Variants in FAM161B observed in about 807,000 individuals in gnomAD.
FAM161B encodes the protein protein FAM161B.
Under a neutral mutation model 61.5 loss-of-function variants are expected in FAM161B, and 46 were observed. That is an observed-to-expected ratio of 0.75 (90% CI 0.59 to 0.96). FAM161B has a LOEUF of 0.96. FAM161B is among the 40% of genes least tolerant of loss of function. The pLI, the probability that FAM161B is intolerant of heterozygous loss-of-function variation, is 0.00. For missense variants in FAM161B, 774 were observed against 800.7 expected, an observed-to-expected ratio of 0.97 and a Z score of 0.40; for synonymous variants, 284 against 302.7, an observed-to-expected ratio of 0.94 and a Z score of 0.64.
chr14:73,923,054 T>C, the FAM161B span, among the ~76,000 whole-genome samples: 2,023 of 152,318 alleles, frequency 0.013, 43 homozygotes, highest in African/African-American at 0.046. Flanking sequence ...TAGTAAGTGC[T>C]ATTAGTATCA....
chr14:73,950,014 T>G lies in FAM161B; in HGVS notation c.13A>C (p.Arg5=). 1 of 1,612,842 alleles carries G rather than the reference T, an allele frequency of 6.2e-7. No individual in the cohort carries two copies. The highest frequency in any genetic ancestry group is 8.5e-7 in the Non-Finnish European group (1 of 1,179,988). ...GCGCCTCCGGGGGCTCCCTCAGGCC[T>G]CCCCACGGTCATTTCAGCTGGACAG... is the stretch of plus-strand genomic sequence containing the variant. The part of the protein sequence containing the change: MTVG[R]PEGAPGGAEG... Residue 5 remains arginine, a synonymous_variant, in exon 1 of 9, where the codon AGG becomes CGG. Transcript: ENST00000286544.
Position 73,949,030 on chromosome 14 carries a change from T to C in FAM161B, c.54+943A>G, listed in dbSNP as rs559500659. ...ACCTCCCGGGTTCAAGTGATTCTCC[T>C]GCCTCAGCCTCCCGAGTAGCTAGGA... On this transcript the variant is annotated intron_variant, in intron 1 of 8. Transcript: ENST00000286544. Among the ~76,000 whole-genome samples the C allele has an allele frequency of 2.0e-5, 3 of 152,314 alleles. No homozygotes were observed. The South Asian group carries it at 6.2e-4, about 32-fold the overall frequency.
rs1041386447 is a variant in FAM161B at position 73,933,374 on chromosome 14, C to A, written c.*882G>T. 2.6e-5 allele frequency: 4 copies of A among 152,184 alleles called. No homozygotes were observed. The highest frequency in any genetic ancestry group is 9.7e-5 in the African/African-American group (4 of 41,450). 9.4% of individuals were successfully genotyped at this position (152,184 alleles called of 1,614,324 possible). ...GACAGTTCCCTTCCCCAACCCTCAA[C>A]AAAGAATTAGGTGGCCCAAAATATT... On this transcript the variant is annotated 3_prime_UTR_variant, in exon 9 of 9. Coordinates refer to ENST00000286544, the MANE Select transcript of FAM161B (RefSeq NM_152445.3).
At chr14:73,942,143 A>G (rs1002081977) in intron 4 of FAM161B, among the ~76,000 whole-genome samples, 3 of 151,716 alleles carry the variant, frequency 2.0e-5, no homozygotes, top group African/African-American at 7.3e-5. Flanking sequence ...GGTACACACC[A>G]CCACATGTGG....
rs1235773324 is a variant in FAM161B at position 73,944,836 on chromosome 14, T to C, written c.424A>G (p.Ile142Val). 8 of 1,536,404 alleles carry C rather than the reference T, an allele frequency of 5.2e-6. No homozygotes were observed. Among genetic ancestry groups the C allele is most frequent in the Middle Eastern group, 1.8e-4 (1 of 5,680 alleles). ...GGTGGCTGGGTCTGAGGCCTGGGAA[T>C]GTTGGAGGGAAGGTTGTTCAGGGAG... ...CSSLNNLPSN[I>V]PRPQTQPPSG... The change falls in exon 3 of 9, where the codon ATT (isoleucine) becomes GTT (valine). Residue 142 changes from isoleucine (I) to valine (V), a missense_variant. Ile to Val is a conservative substitution (Grantham distance 29, BLOSUM62 3). Coordinates refer to ENST00000286544, the MANE Select transcript of FAM161B (RefSeq NM_152445.3).
At chr14:73,929,145 A>G (rs2055875457), downstream of FAM161B, among the ~76,000 whole-genome samples, 1 of 152,008 alleles carries the variant, frequency 6.6e-6, no homozygotes, top group Non-Finnish European at 1.5e-5. Context: ...TCTGAGCCTC[A>G]CTTCTTTTGT....
intron 7 of FAM161B, 135 bp downstream of exon 7, chr14:73,937,467 A>G (rs1306680287): frequency 2.7e-6 from 2 of 732,240 alleles, no homozygotes; most frequent in African/African-American, 3.6e-5. Context: ...TATTTTGGGA[A>G]AAGAAGGTAG....
intron 1 of FAM161B, among the ~76,000 whole-genome samples, 154 bp from the exon 2 acceptor site, chr14:73,946,759 C>T (rs2056071272): frequency 6.6e-6 from 1 of 152,190 alleles, no homozygotes; most frequent in African/African-American, 2.4e-5. Context: ...GTAATCCCAA[C>T]ACTTTGGGAG....
Position 73,944,829 on chromosome 14 carries a change from C to T in FAM161B, c.431G>A (p.Arg144Lys). Residue 144 changes from arginine to lysine, a missense_variant, in exon 3 of 9, where the codon AGG becomes AAG. Coordinates refer to ENST00000286544, the MANE Select transcript of FAM161B (RefSeq NM_152445.3). The part of the protein sequence containing the change: ...SLNNLPSNIP[R>K]PQTQPPSGSR... Reference sequence around the variant, plus strand: ...GCCTGAGGGTGGCTGGGTCTGAGGCCTGGGAATGTTGGAGGGAAGGTTGTT... The same window carrying T: ...GCCTGAGGGTGGCTGGGTCTGAGGCTTGGGAATGTTGGAGGGAAGGTTGTT... 7 of 1,542,904 alleles carry T rather than the reference C, an allele frequency of 4.5e-6. No homozygotes were observed. The highest frequency in any genetic ancestry group is 6.1e-6 in the Non-Finnish European group (7 of 1,146,580).
Position 73,946,590 on chromosome 14 carries a change from A to T in FAM161B, c.70T>A (p.Ser24Thr). ...EGSRQIFPPE[S>T]FADTEAGEEL... ...TCTCCTGCCTCTGTGTCTGCGAAGG[A>T]CTCGGGGGGAAATATCTAAAATAGA... The change falls in exon 2 of 9, where the codon TCC becomes ACC. Residue 24 changes from serine (S) to threonine (T), a missense_variant. Ser to Thr is a moderately conservative substitution (Grantham distance 58). Coordinates refer to ENST00000286544, the MANE Select transcript of FAM161B (RefSeq NM_152445.3). 1 of 1,612,726 alleles carries T rather than the reference A, an allele frequency of 6.2e-7. No individual in the cohort carries two copies. The highest frequency in any genetic ancestry group is 1.1e-5 in the South Asian group (1 of 91,058).
At chr14:73,923,516 AC>A in the FAM161B span, 4 of 1,612,776 alleles carry the variant, frequency 2.5e-6, no homozygotes, top group South Asian at 1.1e-5. Context: ...CAGTAAATCC[AC>A]AAGAGGTAAA....
At chr14:73,949,952 C>T (rs757525578) in intron 1 of FAM161B, 21 bp downstream of exon 1, 1 of 1,612,688 alleles carries the variant, frequency 6.2e-7, no homozygotes, top group South Asian at 1.1e-5. Flanking sequence ...TTCCCGGGGG[C>T]AGTCTCTTTT....
At chr14:73,930,456 C>T (rs2055895280), downstream of FAM161B, among the ~76,000 whole-genome samples, 1 of 152,062 alleles carries the variant, frequency 6.6e-6, no homozygotes, top group Admixed American at 6.5e-5. Context: ...AGCCATGGTG[C>T]CCAGCCCAAT....
rs2055968218 is a variant in FAM161B, at chr14:73,935,994, G to C, written c.1760C>G (p.Thr587Ser). 1 of 1,613,384 alleles carries C rather than the reference G, an allele frequency of 6.2e-7. No individual in the cohort carries two copies. Among genetic ancestry groups the C allele is most frequent in the Non-Finnish European group, 8.5e-7 (1 of 1,179,586 alleles). Residue 587 changes from threonine to serine, a missense_variant, in exon 8 of 9, where the codon ACC becomes AGC. Transcript: ENST00000286544. ...EDFVRNKGQG[T>S]RAVQEKETKI... ...GGTCTCTTTCTCTTGAACAGCCCGG[G>C]TGCCTTGACCCTTGTTTCTCACAAA...
intron 4 of FAM161B, 55 bp from the exon 5 acceptor site, chr14:73,941,108 CTTTTTTTT>C: frequency 7.1e-5 from 68 of 955,114 alleles, no homozygotes; most frequent in Admixed American, 1.3e-4. Context: ...TAGTTTCTAT[CTTTTTTTT>C]TTTTTTTTTT....
downstream of FAM161B, chr14:73,931,636 A>T: frequency 8.4e-7 from 1 of 1,183,790 alleles, no homozygotes; most frequent in Non-Finnish European, 1.2e-6. Flanking sequence ...AACCAGAATG[A>T]ATCTTTGAAG....
rs765101227 is a variant in FAM161B at position 73,949,944 on chromosome 14, C to T, written c.54+29G>A. On this transcript the variant is annotated intron_variant, in intron 1 of 8. Transcript: ENST00000286544. ...ACAGTTTCCTCTCCGGGATTCCTTT[C>T]CCGGGGGCAGTCTCTTTTCTCTCCT... 4 of 1,612,306 alleles carry T rather than the reference C, an allele frequency of 2.5e-6. No homozygotes were observed. In the East Asian group the frequency reaches 6.7e-5, roughly 27 times the overall value.
At chr14:73,931,372 T>TG, downstream of FAM161B, 1 of 720,912 alleles carries the variant, frequency 1.4e-6, no homozygotes, top group Non-Finnish European at 2.3e-6. Flanking sequence ...GTGTTTGCTT[T>TG]GGAAGTAGAT....
In FAM161B at chr14:73,941,068, G is replaced by A; in HGVS notation, c.1273-15C>T. ...TGTGGGGAATCCTAGAAGAAACAAAGGTTGGTATTGGTGGGACAGCATGTG... is the reference window on the plus strand; with the variant it reads ...TGTGGGGAATCCTAGAAGAAACAAAAGTTGGTATTGGTGGGACAGCATGTG... On this transcript the variant is annotated splice_polypyrimidine_tract_variant and intron_variant, in intron 4 of 8. Coordinates refer to ENST00000286544, the MANE Select transcript of FAM161B (RefSeq NM_152445.3). 1 of 1,596,288 alleles carries A rather than the reference G, an allele frequency of 6.3e-7. No homozygotes were observed. Among genetic ancestry groups the A allele is most frequent in the Non-Finnish European group, 8.6e-7 (1 of 1,169,030 alleles).
Sources: gnomAD v4.1 joint callset for allele counts (sites outside exome capture counted in the v4.1 genomes callset) on GRCh38, gnomAD v4.1.1 for gene constraint, MANE v1.5 for transcripts, NCBI Gene and HGNC (gene_info 2026-07-23, HGNC 2026-07-21) for gene names.